The following DLG3 variants were observed in gnomAD, a reference collection of about 807,000 sequenced individuals.
DLG3 encodes the protein discs large MAGUK scaffold protein 3, also known as disks large homolog 3.
A neutral mutation model predicts 64.1 loss-of-function variants in DLG3; 1 was observed. The observed-to-expected ratio is 0.02, with a 90% CI of 0.01 to 0.07. The LOEUF (loss-of-function observed/expected upper bound fraction) is 0.07, where lower values mean the gene tolerates loss of function less well. DLG3 is among the 10% of genes least tolerant of loss of function. The pLI is 1.00. For missense variants in DLG3, 429 were observed against 669.5 expected, an observed-to-expected ratio of 0.64 and a Z score of 3.96; for synonymous variants, 245 against 259.8, an observed-to-expected ratio of 0.94 and a Z score of 0.55.
intron 12 of DLG3, chrX:70,493,580 C>T (rs746197238): frequency 5.9e-5 from 40 of 673,263 alleles, no homozygotes; most frequent in Non-Finnish European, 8.2e-5. Context: ...CGTGTGGCCT[C>T]GTGCCTGCCT....
intron 10 of DLG3, among the ~76,000 whole-genome samples, chrX:70,490,230 G>A (rs971942118): frequency 3.6e-5 from 4 of 111,982 alleles, no homozygotes; most frequent in African/African-American, 1.3e-4. Context: ...TTCAAGTTCT[G>A]TTCTTTTCCT....
chrX:70,495,316 T>C (rs1374379587), intron 12 of DLG3, 92 bp from the exon 13 acceptor site: 1 of 859,223 alleles, frequency 1.2e-6, no homozygotes, highest in African/African-American at 2.0e-5. Context: ...TCTCCCCAAA[T>C]CTCTCCCTCT....
intron 10 of DLG3, among the ~76,000 whole-genome samples, chrX:70,483,436 A>G (rs1384341863): frequency 1.8e-5 from 2 of 113,123 alleles, no homozygotes; most frequent in Non-Finnish European, 3.7e-5. Context: ...TTCGCCATCT[A>G]CCCAGAAAAG....
intron 10 of DLG3, among the ~76,000 whole-genome samples, chrX:70,486,949 G>A (rs2087265776): frequency 9.0e-6 from 1 of 111,359 alleles, no homozygotes; most frequent in Non-Finnish European, 1.9e-5. Context: ...AGGATTCCAG[G>A]GTGTTCCTAA....
At chrX:70,477,609 C>T (rs1278583006) in intron 9 of DLG3, among the ~76,000 whole-genome samples, 1 of 111,213 alleles carries the variant, frequency 9.0e-6, no homozygotes, top group Non-Finnish European at 1.9e-5. Context: ...CCTCCGCCAC[C>T]CCACCCCCCG....
At chrX:70,478,411 G>C (rs1387621595) in intron 9 of DLG3, among the ~76,000 whole-genome samples, 1 of 111,256 alleles carries the variant, frequency 9.0e-6, no homozygotes, top group Non-Finnish European at 1.9e-5. Flanking sequence ...GTTAGGGATG[G>C]ACTTATGACC....
At chrX:70,473,774 TG>T (rs1218866319) in intron 9 of DLG3, among the ~76,000 whole-genome samples, 1 of 110,617 alleles carries the variant, frequency 9.0e-6, no homozygotes, top group African/African-American at 3.3e-5. Context: ...TTGAATTTTT[TG>T]TAGAATTGGG....
intron 9 of DLG3, among the ~76,000 whole-genome samples, chrX:70,463,079 C>T (rs185812104): frequency 2.7e-5 from 3 of 111,935 alleles, no homozygotes; most frequent in Non-Finnish European, 5.6e-5. Flanking sequence ...TGTAAAACAT[C>T]AGTTTTTCCT....
intron 10 of DLG3, 71 bp from the exon 11 acceptor site, chrX:70,492,036 A>G: frequency 8.9e-7 from 1 of 1,122,342 alleles, no homozygotes; most frequent in Non-Finnish European, 1.2e-6. Flanking sequence ...TTGGCCTTCC[A>G]TCTTTTCAAG....
At position 70,502,246 on chromosome X, in the gene DLG3, G is replaced by A; in HGVS notation, c.2431G>A (p.Val811Ile). The change falls in exon 19 of 19, where the codon GTC (valine) becomes ATC (isoleucine). Residue 811 changes from valine (V) to isoleucine (I), a missense_variant. Val to Ile is a conservative substitution (Grantham distance 29, BLOSUM62 3). Coordinates refer to ENST00000374360, the MANE Select transcript of DLG3 (RefSeq NM_021120.4). ...IEDQSGHYIWVPSPEKL is the reference protein window; with the variant it reads ...IEDQSGHYIWIPSPEKL The stretch of plus-strand genomic sequence containing the variant: ...GGACCAGTCTGGGCACTACATTTGG[G>A]TCCCATCCCCTGAAAAACTCTGAAG... The A allele has an allele frequency of 1.7e-6, 2 of 1,204,588 alleles. No homozygotes were observed. Among genetic ancestry groups the A allele is most frequent in the South Asian group, 1.8e-5 (1 of 56,541 alleles).
At chrX:70,449,574 A>T in intron 3 of DLG3, 91 bp downstream of exon 3, 1 of 469,228 alleles carries the variant, frequency 2.1e-6, no homozygotes, top group Non-Finnish European at 3.5e-6. Flanking sequence ...CCCTTCCATT[A>T]GATCTGAGGG....
chrX:70,478,585 G>GT (rs373090270), intron 9 of DLG3, among the ~76,000 whole-genome samples: 148 of 111,704 alleles, frequency 1.3e-3, no homozygotes, highest in African/African-American at 4.6e-3. Flanking sequence ...CGGTTGTGAG[G>GT]TTTGTTTGTT....
At chrX:70,455,539 A>C (rs1194315752) in intron 9 of DLG3, among the ~76,000 whole-genome samples, 1 of 97,785 alleles carries the variant, frequency 1.0e-5, no homozygotes, top group Non-Finnish European at 2.1e-5. Flanking sequence ...CCCCCTTCTC[A>C]CCCCAGGGCC....
chrX:70,446,013 C>T (rs993504581), intron 1 of DLG3, among the ~76,000 whole-genome samples: 1 of 109,713 alleles, frequency 9.1e-6, no homozygotes, highest in African/African-American at 3.3e-5. Context: ...ATGGAGCTGC[C>T]GTGAATCCGT....
intron 12 of DLG3, chrX:70,493,283 C>G (rs1415867102): frequency 1.4e-6 from 1 of 732,345 alleles, no homozygotes; most frequent in African/African-American, 2.1e-5. Context: ...TCACCGTTGT[C>G]TCCATTTTAG....
At chrX:70,494,235 C>T (rs777626151) in intron 12 of DLG3, among the ~76,000 whole-genome samples, 12 of 112,599 alleles carry the variant, frequency 1.1e-4, no homozygotes, top group African/African-American at 1.6e-4. Context: ...CTTGCTCTAC[C>T]GTGTGCCTCA....
chrX:70,483,261 G>A (rs1406538021), intron 10 of DLG3, among the ~76,000 whole-genome samples: 3 of 112,253 alleles, frequency 2.7e-5, no homozygotes, highest in African/African-American at 9.7e-5. Flanking sequence ...TCCGTCCTGG[G>A]TAACAGAGCA....
At chrX:70,487,174 G>A (rs2087269129) in intron 10 of DLG3, among the ~76,000 whole-genome samples, 1 of 111,663 alleles carries the variant, frequency 9.0e-6, no homozygotes, top group Admixed American at 9.5e-5. Context: ...CCGGATAATG[G>A]GATAAGAAAG....
At chrX:70,457,939 G>A (rs1487174449) in intron 9 of DLG3, among the ~76,000 whole-genome samples, 1 of 110,532 alleles carries the variant, frequency 9.0e-6, no homozygotes, top group East Asian at 2.9e-4. Context: ...GCAGTAGCAC[G>A]ATCTCGGCTC....
Sources: gnomAD v4.1 joint callset for allele counts (sites outside exome capture counted in the v4.1 genomes callset) on GRCh38, gnomAD v4.1.1 for gene constraint, MANE v1.5 for transcripts, NCBI Gene and HGNC (gene_info 2026-07-23, HGNC 2026-07-21) for gene names.